BST1: variants seen among roughly 807,000 people sequenced by gnomAD.
BST1 encodes the protein bone marrow stromal cell antigen 1, also known as ADP-ribosyl cyclase/cyclic ADP-ribose hydrolase 2.
In BST1, 49 loss-of-function variants were observed where a neutral mutation model predicts 40.6. The ratio of observed to expected loss-of-function variants is 1.21; its 90% CI spans 0.96 to 1.53. The LOEUF is 1.53. Ranked by LOEUF, BST1 falls within the 40% of genes most tolerant of loss-of-function variation. The pLI is 0.00. For missense variants in BST1, 423 were observed against 395.9 expected, an observed-to-expected ratio of 1.07 and a Z score of -0.58; for synonymous variants, 157 against 159.3, an observed-to-expected ratio of 0.99 and a Z score of 0.11.
downstream of BST1, among the ~76,000 whole-genome samples, chr4:15,735,308 G>A (rs1306031491): frequency 2.0e-5 from 3 of 152,204 alleles, no homozygotes; most frequent in African/African-American, 4.8e-5. Context: ...TTCACCCTGG[G>A]ACTGTGGCTT....
intron 8 of BST1, among the ~76,000 whole-genome samples, chr4:15,728,679 G>A (rs1467964419): frequency 2.3e-5 from 3 of 128,432 alleles, no homozygotes; most frequent in Admixed American, 8.9e-5. Context: ...GTCTTGCTCT[G>A]TCACCCAGGC....
chr4:15,747,328 G>A, the BST1 span, among the ~76,000 whole-genome samples: 1 of 152,274 alleles, frequency 6.6e-6, no homozygotes, highest in East Asian at 1.9e-4. Context: ...TGTTTGCCAT[G>A]CTGCCTTTAT....
downstream of BST1, among the ~76,000 whole-genome samples, chr4:15,738,548 A>G (rs547484751): frequency 6.6e-6 from 1 of 152,340 alleles, no homozygotes; most frequent in Admixed American, 6.5e-5. Context: ...ATTTAAAAAT[A>G]TATGTTGGAA....
the BST1 span, among the ~76,000 whole-genome samples, chr4:15,772,634 A>C: frequency 1.3e-5 from 2 of 152,218 alleles, no homozygotes; most frequent in South Asian, 4.1e-4. Flanking sequence ...TTGTCTCAGG[A>C]GATCTGTTGG....
At chr4:15,749,665 C>G in the BST1 span, among the ~76,000 whole-genome samples, 17 of 151,076 alleles carry the variant, frequency 1.1e-4, no homozygotes, top group South Asian at 2.1e-4. Context: ...CAAATGACAG[C>G]AAAGAGTACT....
At chr4:15,772,771 G>A in the BST1 span, among the ~76,000 whole-genome samples, 1 of 152,208 alleles carries the variant, frequency 6.6e-6, no homozygotes, top group Non-Finnish European at 1.5e-5. Context: ...AGGGTCAGTA[G>A]GAGTCAGCAG....
chr4:15,746,842 C>T, the BST1 span, among the ~76,000 whole-genome samples: 1 of 152,146 alleles, frequency 6.6e-6, no homozygotes, highest in Non-Finnish European at 1.5e-5. Flanking sequence ...TGCTGATAAA[C>T]TTAGTTCTGG....
downstream of BST1, among the ~76,000 whole-genome samples, chr4:15,734,655 G>A (rs1262586946): frequency 6.6e-6 from 1 of 152,142 alleles, no homozygotes; most frequent in Non-Finnish European, 1.5e-5. Flanking sequence ...ATCTAATTGT[G>A]TGGATGTGGT....
At chr4:15,739,038 C>T (rs1721668956), downstream of BST1, among the ~76,000 whole-genome samples, 1 of 152,194 alleles carries the variant, frequency 6.6e-6, no homozygotes. Flanking sequence ...AATTCACAGG[C>T]ATTTGAAACC....
At chr4:15,765,583 A>G in the BST1 span, among the ~76,000 whole-genome samples, 1 of 151,536 alleles carries the variant, frequency 6.6e-6, no homozygotes, top group African/African-American at 2.4e-5. Context: ...TCTCCCACAT[A>G]TTTCCTCCTT....
At chr4:15,772,727 T>C in the BST1 span, among the ~76,000 whole-genome samples, 2 of 152,336 alleles carry the variant, frequency 1.3e-5, no homozygotes, top group Admixed American at 1.3e-4. Context: ...TAGAAAAGGC[T>C]TCCTGAGGAT....
chr4:15,703,277 G>A lies in BST1; in HGVS notation c.133G>A (p.Asp45Asn). ...RGEGTSAHLR[D>N]IFLGRCAEYR... ...GGAGGGCACCAGCGCACACTTGCGGGACATCTTCCTGGGCCGCTGCGCCGA... is the reference window on the plus strand; with the variant it reads ...GGAGGGCACCAGCGCACACTTGCGGAACATCTTCCTGGGCCGCTGCGCCGA... Residue 45 changes from aspartate (D) to asparagine (N), a missense_variant, in exon 1 of 9, where the codon GAC (aspartate) becomes AAC (asparagine). Physicochemically the swap from Asp to Asn is conservative, Grantham distance 23 (BLOSUM62 1). Coordinates refer to ENST00000265016, the MANE Select transcript of BST1 (RefSeq NM_004334.3). The A allele has an allele frequency of 6.5e-7, 1 of 1,537,266 alleles. No individual in the cohort carries two copies. Among genetic ancestry groups the A allele is most frequent in the Non-Finnish European group, 8.7e-7 (1 of 1,146,730 alleles).
At chr4:15,728,041 AC>A (rs2148894509) in intron 8 of BST1, among the ~76,000 whole-genome samples, 1 of 152,016 alleles carries the variant, frequency 6.6e-6, no homozygotes, top group African/African-American at 2.4e-5. Flanking sequence ...AATTCAGTAG[AC>A]TTTTAATCTG....
Position 15,703,150 on chromosome 4 carries a change from G to T in BST1, c.6G>T (p.Ala2=). 2 of 1,577,552 alleles carry T rather than the reference G, an allele frequency of 1.3e-6. No homozygotes were observed. Among genetic ancestry groups the T allele is most frequent in the Non-Finnish European group, 8.6e-7 (1 of 1,163,988 alleles). ...GGAGGGACCAAAGTTCCCCGATGGC[G>T]GCCCAGGGGTGCGCGGCATCGCGGC... M[A]AQGCAASRLL... Residue 2 remains alanine, a synonymous_variant, in exon 1 of 9, where the codon GCG becomes GCT. Coordinates refer to ENST00000265016, the MANE Select transcript of BST1 (RefSeq NM_004334.3).
chr4:15,726,067 TC>T (rs1185425829), intron 8 of BST1, among the ~76,000 whole-genome samples: 1 of 145,934 alleles, frequency 6.9e-6, no homozygotes, highest in Non-Finnish European at 1.5e-5. Context: ...GCTCACGTGA[TC>T]CTCCCACCTC....
At chr4:15,759,807 A>G in the BST1 span, among the ~76,000 whole-genome samples, 4 of 151,584 alleles carry the variant, frequency 2.6e-5, no homozygotes, top group East Asian at 5.8e-4. Context: ...TCCCCCCTCC[A>G]CTCCCAGTAT....
downstream of BST1, among the ~76,000 whole-genome samples, chr4:15,736,907 C>A (rs1721590082): frequency 6.6e-6 from 1 of 152,132 alleles, no homozygotes; most frequent in African/African-American, 2.4e-5. Context: ...AGCATTTGAT[C>A]AGATTGGGTG....
At chr4:15,750,109 C>T in the BST1 span, among the ~76,000 whole-genome samples, 1 of 152,098 alleles carries the variant, frequency 6.6e-6, no homozygotes, top group African/African-American at 2.4e-5. Context: ...TGCCCAACCT[C>T]CGCCACCCAG....
At chr4:15,715,478 T>C (rs998071708) in intron 5 of BST1, 117 bp downstream of exon 5, 1 of 1,146,448 alleles carries the variant, frequency 8.7e-7, no homozygotes, top group Admixed American at 2.1e-5. Flanking sequence ...CTTCTGTAAA[T>C]TCAGGTAAAG....
Sources: allele counts gnomAD v4.1 joint callset (sites outside exome capture counted in the v4.1 genomes callset), GRCh38; gene constraint gnomAD v4.1.1; transcripts MANE v1.5; gene names NCBI Gene and HGNC (gene_info 2026-07-23, HGNC 2026-07-21).